Variants in USP42 observed in about 807,000 individuals in gnomAD.
USP42 encodes the protein ubiquitin specific peptidase 42.
In USP42, 23 loss-of-function variants were observed where a neutral mutation model predicts 113.0. The observed-to-expected ratio is 0.20, with a 90% confidence interval of 0.15 to 0.29. The LOEUF (loss-of-function observed/expected upper bound fraction) is 0.29, where lower values mean the gene tolerates loss of function less well. Ranked by LOEUF, USP42 falls within the 10% of genes least tolerant of loss-of-function variation. The pLI is 1.00. For missense variants in USP42, 2,174 were observed against 1,779.8 expected (o/e 1.22, Z -3.99); for synonymous variants, 933 against 699.0 (o/e 1.33, Z -5.28).
intron 2 of USP42, among the ~76,000 whole-genome samples, chr7:6,113,008 A>G (rs747205983): frequency 6.6e-5 from 10 of 150,694 alleles, no homozygotes; most frequent in Non-Finnish European, 1.5e-4. Flanking sequence ...GGTTCAAGCA[A>G]TTCTCCTGCC....
chr7:6,125,670 C>A, intron 3 of USP42, among the ~76,000 whole-genome samples: 1 of 152,090 alleles, frequency 6.6e-6, no homozygotes, highest in East Asian at 1.9e-4. Context: ...GAAATCATTT[C>A]TGTTTACCTA....
At chr7:6,110,367 A>G (rs191509411) in intron 1 of USP42, among the ~76,000 whole-genome samples, 4 of 152,296 alleles carry the variant, frequency 2.6e-5, no homozygotes, top group Non-Finnish European at 4.4e-5. Context: ...AAGTTAATGT[A>G]TGTCCAGCAG....
the USP42 span, among the ~76,000 whole-genome samples, chr7:6,098,427 GTCTTGCAGT>G: frequency 8.1e-4 from 121 of 150,296 alleles, 7 homozygotes; most frequent in Non-Finnish European, 1.1e-3. Flanking sequence ...TATTAGCCTG[GTCTTGCAGT>G]TCCTTCAATT....
chr7:6,087,158 A>G, the USP42 span, among the ~76,000 whole-genome samples: 1 of 149,396 alleles, frequency 6.7e-6, no homozygotes, highest in African/African-American at 2.5e-5. Context: ...CAGCCTCCCG[A>G]GTAGCTGGGA....
chr7:6,126,692 T>C (rs989450022), intron 3 of USP42, among the ~76,000 whole-genome samples: 8 of 152,150 alleles, frequency 5.3e-5, no homozygotes, highest in Admixed American at 2.6e-4. Context: ...AGGTTGTTTC[T>C]AGTTTTGGGA....
chr7:6,137,038 C>T (rs1358220069), intron 4 of USP42, among the ~76,000 whole-genome samples: 2 of 152,076 alleles, frequency 1.3e-5, no homozygotes, highest in African/African-American at 4.8e-5. Context: ...TGGGTAAGTG[C>T]ATGAAATTTT....
the USP42 span, among the ~76,000 whole-genome samples, chr7:6,097,894 TTTTC>T: frequency 1.3e-4 from 16 of 124,318 alleles, 2 homozygotes; most frequent in Non-Finnish European, 2.1e-4. Flanking sequence ...CCGGCCTTCT[TTTTC>T]TTTCTTTTCT....
chr7:6,105,466 C>T (rs886586159), intron 1 of USP42, among the ~76,000 whole-genome samples: 3 of 139,138 alleles, frequency 2.2e-5, no homozygotes, highest in Non-Finnish European at 4.7e-5. Flanking sequence ...CGTCCCCGGC[C>T]CGCCCGCCGC....
intron 3 of USP42, 134 bp downstream of exon 3, chr7:6,115,657 AAGG>A (rs1450237172): frequency 4.2e-5 from 46 of 1,086,540 alleles, no homozygotes; most frequent in Non-Finnish European, 6.0e-5. Context: ...TTTAGAAACC[AAGG>A]AGGAGGACTC....
chr7:6,123,832 CAAAAAA>C (rs34032326), intron 3 of USP42, among the ~76,000 whole-genome samples: 5 of 72,762 alleles, frequency 6.9e-5, no homozygotes, highest in African/African-American at 1.6e-4. Context: ...GACCCTGTCT[CAAAAAA>C]AAAAAAAAAA....
intron 3 of USP42, among the ~76,000 whole-genome samples, chr7:6,126,881 A>G (rs540549031): frequency 6.6e-6 from 1 of 152,340 alleles, no homozygotes; most frequent in East Asian, 1.9e-4. Flanking sequence ...TCTGGGATAA[A>G]TGCCCAGGAC....
At chr7:6,081,276 C>T in the USP42 span, 2 of 152,210 alleles carry the variant, frequency 1.3e-5, no homozygotes, top group Admixed American at 6.5e-5. Context: ...CGGAGGTGAG[C>T]TGGACACACG....
At position 6,157,956 on chromosome 7, in the gene USP42, G is replaced by A. The variant is rs1051975805; in HGVS notation, c.3943+901G>A. ...TGGTGTCCGGTGACCGCTCACCCTC[G>A]AGAGGAGCTGTGAGCCTGTTAGAAG... On this transcript the variant is annotated intron_variant, in intron 16 of 17. Coordinates refer to ENST00000306177, the MANE Select transcript of USP42 (RefSeq NM_032172.3). The surrounding 1 kb of genome is among the most constrained non-coding windows in gnomAD (Gnocchi z 4.1). 6.6e-6 allele frequency among the ~76,000 whole-genome samples: 1 copy of A among 152,184 alleles called. No homozygotes were observed.
chr7:6,117,639 C>T (rs182713753), intron 3 of USP42, among the ~76,000 whole-genome samples: 41 of 152,240 alleles, frequency 2.7e-4, no homozygotes, highest in Non-Finnish European at 5.1e-4. Context: ...GAAGGGATTG[C>T]AGTGTTTTAT....
chr7:6,153,539 C>T (rs560399163), intron 14 of USP42, among the ~76,000 whole-genome samples: 2 of 152,204 alleles, frequency 1.3e-5, no homozygotes, highest in Non-Finnish European at 2.9e-5. Context: ...TGCTAAATGA[C>T]GAGTTAATGG....
chr7:6,087,340 C>CTTTTTTTTTTTT, the USP42 span, among the ~76,000 whole-genome samples: 1 of 116,506 alleles, frequency 8.6e-6, no homozygotes, highest in Non-Finnish European at 1.8e-5. Context: ...CTAAGCGCTT[C>CTTTTTTTTTTTT]TTTTTTTTTT....
At chr7:6,155,960 C>T (rs1289196913) in intron 15 of USP42, among the ~76,000 whole-genome samples, 1 of 152,144 alleles carries the variant, frequency 6.6e-6, no homozygotes, top group Admixed American at 6.5e-5. Flanking sequence ...TCTCACTATG[C>T]CGCGCACGCT....
At chr7:6,112,302 A>T (rs1012452876) in intron 2 of USP42, among the ~76,000 whole-genome samples, 1 of 152,130 alleles carries the variant, frequency 6.6e-6, no homozygotes, top group African/African-American at 2.4e-5. Flanking sequence ...TACAAAAATT[A>T]GCTGGGCATG....
At position 6,152,860 on chromosome 7, in the gene USP42, G is replaced by A. The variant is rs971210222; in HGVS notation, c.2202-896G>A. The A allele has an allele frequency of 9.6e-6, 8 of 829,782 alleles. No individual in the cohort carries two copies. In the Admixed American group the frequency reaches 4.3e-4, roughly 45 times the overall value. The allele number at this position is 829,782 out of a possible 1,614,324, so 51.4% of individuals were successfully genotyped here. A position where few individuals can be genotyped will look rare whatever the true frequency, so the allele number is the denominator to read the frequency against. ...GGAGGAGCTGCTGGCTGTGTTTGGAGGTGGCCCCTCTACCTTTGAGGGTCC... is the reference window on the plus strand; with the variant it reads ...GGAGGAGCTGCTGGCTGTGTTTGGAAGTGGCCCCTCTACCTTTGAGGGTCC... On this transcript the variant is annotated intron_variant, in intron 14 of 17. Transcript: ENST00000306177.
Sources: gnomAD v4.1 joint callset for allele counts (sites outside exome capture counted in the v4.1 genomes callset) on GRCh38, gnomAD v4.1.1 for gene constraint, Gnocchi (gnomAD v3.1) non-coding constraint, MANE v1.5 for transcripts, NCBI Gene and HGNC (gene_info 2026-07-23, HGNC 2026-07-21) for gene names.